The following RXRG variants were observed in gnomAD, a reference collection of about 807,000 sequenced individuals.
The protein encoded by RXRG is retinoic acid receptor RXR-gamma.
Under a neutral mutation model 49.2 loss-of-function variants are expected in RXRG, and 19 were observed. The ratio of observed to expected loss-of-function variants is 0.39; its 90% confidence interval spans 0.27 to 0.57. RXRG has a LOEUF of 0.57. Among genes scored for constraint, RXRG ranks in the 20% least tolerant of loss-of-function variants. RXRG has a pLI of 0.64. For synonymous variants in RXRG, 224 were observed against 216.6 expected, an observed-to-expected ratio of 1.03 and a Z score of -0.30; for missense variants, 452 against 592.5, an observed-to-expected ratio of 0.76 and a Z score of 2.46.
intron 4 of RXRG, among the ~76,000 whole-genome samples, chr1:165,416,097 A>G (rs1557915103): frequency 1.3e-5 from 2 of 152,060 alleles, no homozygotes; most frequent in East Asian, 3.9e-4. Context: ...CTCTTCATTG[A>G]CCCTTTCAGT....
chr1:165,410,808 T>G lies in RXRG; in HGVS notation c.807A>C (p.Ile269=), dbSNP rs116706939. The G allele has an allele frequency of 2.8e-4, 454 of 1,614,160 alleles. 2 individuals carry two copies. The African/African-American group carries it at 5.0e-3, about 18-fold the overall frequency. ...ENSTNDPVTN[I]CHAADKQLFT... ...AAAGCTGCTTGTCAGCAGCATGACA[T>G]ATGTTGGTAACAGGGTCATTTGTCT... The change falls in exon 6 of 10, where the codon ATA becomes ATC. Residue 269 remains isoleucine, a synonymous_variant. Coordinates refer to ENST00000359842, the MANE Select transcript of RXRG (RefSeq NM_006917.5).
At chr1:165,412,864 T>C (rs1374080958) in intron 4 of RXRG, among the ~76,000 whole-genome samples, 1 of 152,220 alleles carries the variant, frequency 6.6e-6, no homozygotes, top group East Asian at 1.9e-4. Context: ...TTATTATATT[T>C]GGATTTACTG....
At chr1:165,410,645 G>A (rs913307767) in intron 6 of RXRG, 57 bp downstream of exon 6, 3 of 1,600,880 alleles carry the variant, frequency 1.9e-6, no homozygotes, top group East Asian at 2.2e-5. Flanking sequence ...CTTTTTTTAG[G>A]ATCCCAAGAG....
chr1:165,415,381 G>A (rs1387788375), intron 4 of RXRG, among the ~76,000 whole-genome samples: 1 of 152,164 alleles, frequency 6.6e-6, no homozygotes, highest in Non-Finnish European at 1.5e-5. Context: ...TTCTGGGTGA[G>A]AAGGAAAGAC....
At chr1:165,401,496 C>T in intron 9 of RXRG, 86 bp from the exon 10 acceptor site, 1 of 1,463,544 alleles carries the variant, frequency 6.8e-7, no homozygotes, top group African/African-American at 1.4e-5. Flanking sequence ...TCCAATTGGC[C>T]TTCTCGACCC....
chr1:165,410,815 G>T lies in RXRG; in HGVS notation c.800C>A (p.Thr267Asn). The T allele has an allele frequency of 6.2e-7, 1 of 1,614,142 alleles. No individual in the cohort carries two copies. Reference protein sequence around the residue: ...NMENSTNDPVTNICHAADKQL... With the variant: ...NMENSTNDPVNNICHAADKQL... ...CTTGTCAGCAGCATGACATATGTTG[G>T]TAACAGGGTCATTTGTCTGAAAAAG... is the stretch of plus-strand genomic sequence containing the variant. The change falls in exon 6 of 10, where the codon ACC (threonine) becomes AAC (asparagine). Residue 267 changes from threonine to asparagine, a missense_variant. Thr to Asn is a moderately conservative substitution (Grantham distance 65). This residue lies in a region of RXRG where 286 missense variants were observed against 440.9 expected (regional missense o/e 0.65). Transcript: ENST00000359842.
At chr1:165,407,689 C>A (rs1302565221) in intron 8 of RXRG, among the ~76,000 whole-genome samples, 1 of 152,208 alleles carries the variant, frequency 6.6e-6, no homozygotes, top group African/African-American at 2.4e-5. Flanking sequence ...CAGTTGCTTC[C>A]TGGGCAGCCA....
At chr1:165,412,642 G>A (rs1363925496) in intron 4 of RXRG, among the ~76,000 whole-genome samples, 2 of 152,168 alleles carry the variant, frequency 1.3e-5, no homozygotes, top group African/African-American at 4.8e-5. Context: ...ATATCGTAAG[G>A]ATGAATGAAG....
At chr1:165,413,041 G>C (rs1391562381) in intron 4 of RXRG, among the ~76,000 whole-genome samples, 3 of 152,184 alleles carry the variant, frequency 2.0e-5, no homozygotes, top group Admixed American at 1.3e-4. Context: ...TAACCTTCAA[G>C]CTTCAGAGAA....
chr1:165,410,956 TCCATATTCATGTCA>T lies in RXRG; in HGVS notation c.762_775del (p.Asp255GlufsTer5). ...GTGTCTAAGAGCACATACCGAGTTC[TCCATATTCATGTCA>T]CCATAGGATTCTGTCTTTGGTTCAA... On this transcript the variant is annotated frameshift_variant, in exon 5 of 10. Transcript: ENST00000359842. LOFTEE classifies it high-confidence loss of function. 6.2e-7 allele frequency: 1 copy of T among 1,614,144 alleles called. No homozygotes were observed. Among genetic ancestry groups the T allele is most frequent in the Non-Finnish European group, 8.5e-7 (1 of 1,180,004 alleles).
intron 9 of RXRG, among the ~76,000 whole-genome samples, chr1:165,402,699 C>A (rs1657620354): frequency 6.6e-6 from 1 of 151,748 alleles, no homozygotes; most frequent in African/African-American, 2.4e-5. Context: ...TGCACACTTT[C>A]ACATGAACTC....
At chr1:165,405,426 G>A (rs1006982513) in intron 9 of RXRG, among the ~76,000 whole-genome samples, 2 of 152,138 alleles carry the variant, frequency 1.3e-5, no homozygotes. Flanking sequence ...TCTGTTCTTC[G>A]GCATACAACA....
chr1:165,410,978 A>C lies in RXRG; in HGVS notation c.754T>G (p.Ser252Ala). Residue 252 changes from serine (S) to alanine (A), a missense_variant, in exon 5 of 10, where the codon TCC becomes GCC. Physicochemically the swap from Ser to Ala is moderately conservative, Grantham distance 99 (BLOSUM62 1). Coordinates refer to ENST00000359842, the MANE Select transcript of RXRG (RefSeq NM_006917.5). ...TTCTCCATATTCATGTCACCATAGG[A>C]TTCTGTCTTTGGTTCAACAGCAAGT... is the stretch of plus-strand genomic sequence containing the variant. ...AELAVEPKTE[S>A]YGDMNMENST... 1 of 1,614,110 alleles carries C rather than the reference A, an allele frequency of 6.2e-7. No individual in the cohort carries two copies. The highest frequency in any genetic ancestry group is 8.5e-7 in the Non-Finnish European group (1 of 1,180,000).
chr1:165,406,738 C>A, intron 9 of RXRG, 74 bp downstream of exon 9: 1 of 1,054,506 alleles, frequency 9.5e-7, no homozygotes, highest in Non-Finnish European at 1.5e-6. Flanking sequence ...GTGCCTGCTG[C>A]ACTTTAGGGG....
chr1:165,410,595 A>C, intron 6 of RXRG, 107 bp downstream of exon 6: 1 of 1,265,848 alleles, frequency 7.9e-7, no homozygotes, highest in Non-Finnish European at 1.1e-6. Flanking sequence ...CATCATCAGC[A>C]TGGTACATAG....
chr1:165,416,704 T>C (rs576513486), intron 4 of RXRG, among the ~76,000 whole-genome samples: 4 of 152,218 alleles, frequency 2.6e-5, no homozygotes, highest in Admixed American at 2.0e-4. Flanking sequence ...GCTGCCTGGT[T>C]ATTGGAAGAA....
At chr1:165,429,338 C>T (rs1175839301) in intron 1 of RXRG, among the ~76,000 whole-genome samples, 4 of 152,162 alleles carry the variant, frequency 2.6e-5, no homozygotes, top group Non-Finnish European at 4.4e-5. Flanking sequence ...TACCAAACCT[C>T]GATGGGGAGA....
chr1:165,444,877 G>A lies in RXRG; in HGVS notation c.17C>T (p.Ser6Phe). 2 of 1,614,148 alleles carry A rather than the reference G, an allele frequency of 1.2e-6. No individual in the cohort carries two copies. Among genetic ancestry groups the A allele is most frequent in the Non-Finnish European group, 1.7e-6 (2 of 1,179,996 alleles). The part of the protein sequence containing the change: MYGNY[S>F]HFMKFPAGYG... ...GCCTGCGGGAAACTTCATGAAGTGA[G>A]AATAATTTCCATACATGTTTACTCG... is the stretch of plus-strand genomic sequence containing the variant. Residue 6 changes from serine to phenylalanine, a missense_variant, in exon 1 of 10, where the codon TCT (serine) becomes TTT (phenylalanine). This residue lies in a region of RXRG where 166 missense variants were observed against 151.7 expected (regional missense o/e 1.09). Transcript: ENST00000359842.
chr1:165,425,892 A>C (rs1658470447), intron 2 of RXRG, among the ~76,000 whole-genome samples: 1 of 152,216 alleles, frequency 6.6e-6, no homozygotes, highest in South Asian at 2.1e-4. Flanking sequence ...TCCATCTTTT[A>C]ATCCTTGGCT....
Sources: allele counts gnomAD v4.1 joint callset (sites outside exome capture counted in the v4.1 genomes callset), GRCh38; gene constraint gnomAD v4.1.1; regional missense constraint gnomAD v4.1.1; transcripts MANE v1.5; gene names NCBI Gene and HGNC (gene_info 2026-07-23, HGNC 2026-07-21).